TACC2: variants seen among roughly 807,000 people sequenced by gnomAD.
The protein encoded by TACC2 is transforming acidic coiled-coil-containing protein 2.
TACC2 carries 137 observed loss-of-function variants against 227.3 expected under a neutral mutation model. That is an observed-to-expected ratio of 0.60 (90% confidence interval 0.52 to 0.69). The LOEUF is 0.69. TACC2 is among the 30% of genes least tolerant of loss of function. The pLI, the probability that TACC2 is intolerant of heterozygous loss-of-function variation, is 0.00. For missense variants in TACC2, 3,470 were observed against 3,694.4 expected, an observed-to-expected ratio of 0.94 and a Z score of 1.57; for synonymous variants, 1,523 against 1,487.5, an observed-to-expected ratio of 1.02 and a Z score of -0.55.
chr10:122,230,342 T>G lies in TACC2; in HGVS notation c.8038-9T>G, dbSNP rs1213658907. ...TTCCCTGCGGTTTGCCCACACTCCC[T>G]GTGGGCAGGAGGAGTTAGAGTTTGC... is the stretch of plus-strand genomic sequence containing the variant. On this transcript the variant is annotated splice_polypyrimidine_tract_variant and intron_variant, in intron 15 of 22. Coordinates refer to ENST00000369005, the MANE Select transcript of TACC2 (RefSeq NM_206862.4). 6.2e-7 allele frequency: 1 copy of G among 1,613,470 alleles called. No homozygotes were observed. Among genetic ancestry groups the G allele is most frequent in the South Asian group, 1.1e-5 (1 of 91,080 alleles).
intron 2 of TACC2, among the ~76,000 whole-genome samples, chr10:122,047,677 C>G (rs2075182166): frequency 1.3e-5 from 2 of 152,220 alleles, no homozygotes; most frequent in Non-Finnish European, 2.9e-5. Context: ...AGTTACTAAA[C>G]CTCTCAGAGC....
At chr10:122,174,849 A>G (rs975253726) in intron 7 of TACC2, among the ~76,000 whole-genome samples, 1 of 152,172 alleles carries the variant, frequency 6.6e-6, no homozygotes, top group African/African-American at 2.4e-5. Flanking sequence ...CCTTTGACCA[A>G]CATCTCTCCC....
At chr10:122,037,645 T>C (rs1591340626) in intron 2 of TACC2, among the ~76,000 whole-genome samples, 1 of 152,180 alleles carries the variant, frequency 6.6e-6, no homozygotes, top group South Asian at 2.1e-4. Flanking sequence ...AGAGAGATGG[T>C]CTTTGAGCCT....
rs1393510937 is a variant in TACC2 at position 122,229,461 on chromosome 10, C to T, written c.8012C>T (p.Pro2671Leu). 1 of 1,614,048 alleles carries T rather than the reference C, an allele frequency of 6.2e-7. No homozygotes were observed. Among genetic ancestry groups the T allele is most frequent in the Admixed American group, 1.7e-5 (1 of 60,012 alleles). Residue 2671 changes from proline to leucine, a missense_variant, in exon 15 of 23, where the codon CCC becomes CTC. By Grantham distance (98) the Pro-to-Leu change is moderately conservative (BLOSUM62 -3). Coordinates refer to ENST00000369005, the MANE Select transcript of TACC2 (RefSeq NM_206862.4). Reference protein sequence around the residue: ...YLEPDLAEKNPPLFAQKLQEE... With the variant: ...YLEPDLAEKNLPLFAQKLQEE... ...GAGCCCGACTTAGCAGAAAAGAACC[C>T]CCCACTATTCGCTCAGAAACTCCAG...
In TACC2 at chr10:122,254,172, A is replaced by G; in HGVS notation, c.*116A>G. On this transcript the variant is annotated 3_prime_UTR_variant, in exon 23 of 23. Coordinates refer to ENST00000369005, the MANE Select transcript of TACC2 (RefSeq NM_206862.4). Reference sequence around the variant, plus strand: ...TTCACTTTTTCGTATGCACTACTGTATTTCCTTTCTAAATAAAATTGATTT... The same window carrying G: ...TTCACTTTTTCGTATGCACTACTGTGTTTCCTTTCTAAATAAAATTGATTT... 6.0e-6 allele frequency: 5 copies of G among 828,948 alleles called. No individual in the cohort carries two copies. In the South Asian group the frequency reaches 6.8e-5, roughly 11 times the overall value. 51.3% of individuals were successfully genotyped at this position (828,948 alleles called of 1,614,324 possible). A position where few individuals can be genotyped will look rare whatever the true frequency, so the allele number is the denominator to read the frequency against.
intron 14 of TACC2, among the ~76,000 whole-genome samples, 162 bp from the exon 15 acceptor site, chr10:122,229,184 T>G (rs1242003613): frequency 6.6e-6 from 1 of 152,036 alleles, no homozygotes; most frequent in Non-Finnish European, 1.5e-5. Flanking sequence ...CATGTGGGAA[T>G]TAGTCTAGAT....
At chr10:122,070,506 G>A (rs2077910207) in intron 3 of TACC2, among the ~76,000 whole-genome samples, 1 of 152,108 alleles carries the variant, frequency 6.6e-6, no homozygotes, top group African/African-American at 2.4e-5. Context: ...TGTAATCCCA[G>A]CATTTTGGAG....
chr10:122,193,836 A>G (rs2094484250), intron 7 of TACC2, among the ~76,000 whole-genome samples: 1 of 152,086 alleles, frequency 6.6e-6, no homozygotes, highest in South Asian at 2.1e-4. Flanking sequence ...TACTGGGGGA[A>G]GCCTTATTCT....
Position 122,115,160 on chromosome 10 carries a change from A to G in TACC2, c.5574-17449A>G, listed in dbSNP as rs74932082. 8.9e-3 allele frequency among the ~76,000 whole-genome samples: 1,363 copies of G among 152,316 alleles called. 22 individuals carry two copies. The highest frequency in any genetic ancestry group is 0.031 in the African/African-American group (1,299 of 41,556). ...TATGGAGACAGACACTGCTTGAGGA[A>G]GGATATGTCTGGTTCACAATGCCAC... On this transcript the variant is annotated intron_variant, in intron 5 of 22. Coordinates refer to ENST00000369005, the MANE Select transcript of TACC2 (RefSeq NM_206862.4).
chr10:122,130,403 A>G (rs760194788), intron 5 of TACC2, among the ~76,000 whole-genome samples: 8 of 152,032 alleles, frequency 5.3e-5, no homozygotes, highest in Non-Finnish European at 8.8e-5. Context: ...GGCTCCCTGA[A>G]TGGGGGGTAG....
At position 122,084,839 on chromosome 10, in the gene TACC2, A is replaced by T; in HGVS notation, c.2339A>T (p.His780Leu). Residue 780 changes from histidine to leucine, a missense_variant, in exon 4 of 23, where the codon CAT becomes CTT. Physicochemically the swap from His to Leu is moderately conservative, Grantham distance 99. Coordinates refer to ENST00000369005, the MANE Select transcript of TACC2 (RefSeq NM_206862.4). ...CAGGAATTTCATGCTGGGGTGCCACATCCCCCCCAGGGGGAGAACTTGGCA... is the reference window on the plus strand; with the variant it reads ...CAGGAATTTCATGCTGGGGTGCCACTTCCCCCCCAGGGGGAGAACTTGGCA... ...SRQEFHAGVP[H>L]PPQGENLAAD... 1 of 1,613,726 alleles carries T rather than the reference A, an allele frequency of 6.2e-7. No individual in the cohort carries two copies. The highest frequency in any genetic ancestry group is 8.5e-7 in the Non-Finnish European group (1 of 1,180,010).
intron 7 of TACC2, among the ~76,000 whole-genome samples, chr10:122,152,338 C>CCAA (rs1309964830): frequency 1.3e-5 from 2 of 152,100 alleles, no homozygotes. Flanking sequence ...GATGGAAGAT[C>CCAA]CAACAACAAC....
chr10:122,153,661 T>C (rs1425539303), intron 7 of TACC2, among the ~76,000 whole-genome samples: 2 of 152,252 alleles, frequency 1.3e-5, no homozygotes, highest in African/African-American at 4.8e-5. Flanking sequence ...GAGCACTTGC[T>C]GTATGCCTTG....
At position 122,152,576 on chromosome 10, in the gene TACC2, G is replaced by A. The variant is rs1227725828; in HGVS notation, c.5834+8870G>A. The stretch of plus-strand genomic sequence containing the variant: ...CCATTCCATAAACGCGTGTTGACAC[G>A]GCTGACTTGATGACATGATTCCCTG... On this transcript the variant is annotated intron_variant, in intron 7 of 22. Transcript: ENST00000369005. Among the ~76,000 whole-genome samples, 7 of 152,176 alleles carry A rather than the reference G, an allele frequency of 4.6e-5. No homozygotes were observed. In the East Asian group the frequency reaches 9.6e-4, roughly 21 times the overall value.
At chr10:122,138,370 C>A (rs576783113) in intron 6 of TACC2, among the ~76,000 whole-genome samples, 2 of 152,050 alleles carry the variant, frequency 1.3e-5, no homozygotes, top group Non-Finnish European at 2.9e-5. Flanking sequence ...ATTAGCTGGG[C>A]GTGGTGGCAG....
chr10:122,110,717 A>G (rs1460792302), intron 5 of TACC2, among the ~76,000 whole-genome samples: 2 of 152,192 alleles, frequency 1.3e-5, no homozygotes, highest in Non-Finnish European at 2.9e-5. Flanking sequence ...AAATCCTTCA[A>G]AGAAGGGATT....
chr10:122,250,739 C>A (rs548566584), intron 22 of TACC2, among the ~76,000 whole-genome samples: 43 of 152,222 alleles, frequency 2.8e-4, no homozygotes, highest in African/African-American at 9.6e-4. Flanking sequence ...CGCACCCCAC[C>A]TCAGTGTCTA....
intron 8 of TACC2, among the ~76,000 whole-genome samples, chr10:122,207,356 A>G (rs1593344886): frequency 6.6e-6 from 1 of 151,698 alleles, no homozygotes; most frequent in East Asian, 1.9e-4. Context: ...GGACCACAGG[A>G]GCCCTTCTAG....
intron 5 of TACC2, among the ~76,000 whole-genome samples, chr10:122,099,037 G>A (rs571875139): frequency 1.3e-5 from 2 of 152,214 alleles, no homozygotes; most frequent in Non-Finnish European, 2.9e-5. Context: ...GTGGGAGTAC[G>A]CCTGTGTGGT....
Sources: allele counts gnomAD v4.1 joint callset (sites outside exome capture counted in the v4.1 genomes callset), GRCh38; gene constraint gnomAD v4.1.1; transcripts MANE v1.5; gene names NCBI Gene and HGNC (gene_info 2026-07-23, HGNC 2026-07-21).